The following SNX4 variants were observed in gnomAD, a reference collection of about 807,000 sequenced individuals.
SNX4 encodes sorting nexin-4.
A neutral mutation model predicts 70.8 loss-of-function variants in SNX4; 49 were observed. That is an observed-to-expected ratio of 0.69 (90% CI 0.55 to 0.88). SNX4 has a LOEUF of 0.88. SNX4 is among the 40% of genes least tolerant of loss of function. The probability of loss-of-function intolerance (pLI) is 0.00; values close to 1 mark genes in which losing one functional copy is unlikely to be tolerated. For missense variants in SNX4, 528 were observed against 544.8 expected, an observed-to-expected ratio of 0.97 and a Z score of 0.31; for synonymous variants, 206 against 183.8, an observed-to-expected ratio of 1.12 and a Z score of -0.98.
At chr3:125,496,915 T>C (rs1344068678) in intron 5 of SNX4, among the ~76,000 whole-genome samples, 1 of 152,056 alleles carries the variant, frequency 6.6e-6, no homozygotes, top group East Asian at 1.9e-4. Flanking sequence ...TTTAGACTGC[T>C]AAGGTTGGAC....
At chr3:125,486,631 AAG>A (rs1393473669) in intron 6 of SNX4, among the ~76,000 whole-genome samples, 1 of 152,182 alleles carries the variant, frequency 6.6e-6, no homozygotes, top group Non-Finnish European at 1.5e-5. Flanking sequence ...GTCTCAAAAA[AAG>A]AGAGTACGTT....
intron 5 of SNX4, among the ~76,000 whole-genome samples, chr3:125,490,616 C>T (rs531911790): frequency 5.2e-4 from 79 of 151,250 alleles, no homozygotes; most frequent in South Asian, 1.3e-3. Flanking sequence ...TTCTAGCTAG[C>T]AGAAAATGTT....
intron 10 of SNX4, among the ~76,000 whole-genome samples, chr3:125,458,960 G>A (rs1397302718): frequency 6.6e-6 from 1 of 151,712 alleles, no homozygotes; most frequent in Non-Finnish European, 1.5e-5. Flanking sequence ...GATCACCTGA[G>A]GTCAGGAGTT....
chr3:125,510,990 C>G (rs148805082), intron 1 of SNX4, among the ~76,000 whole-genome samples: 1 of 152,246 alleles, frequency 6.6e-6, no homozygotes, highest in Admixed American at 6.5e-5. Flanking sequence ...ACGATCTCGG[C>G]TGACCGCAAC....
At chr3:125,451,783 C>T (rs945217924) in intron 12 of SNX4, among the ~76,000 whole-genome samples, 2 of 151,986 alleles carry the variant, frequency 1.3e-5, no homozygotes, top group African/African-American at 2.4e-5. Flanking sequence ...CACGCCACTA[C>T]GCCCAACTAA....
At chr3:125,510,982 G>A (rs1935159487) in intron 1 of SNX4, among the ~76,000 whole-genome samples, 2 of 152,200 alleles carry the variant, frequency 1.3e-5, no homozygotes, top group South Asian at 4.1e-4. Context: ...GCAATGGCAC[G>A]ATCTCGGCTG....
At chr3:125,478,559 T>G (rs1352876409) in intron 7 of SNX4, among the ~76,000 whole-genome samples, 1 of 152,096 alleles carries the variant, frequency 6.6e-6, no homozygotes, top group Non-Finnish European at 1.5e-5. Context: ...AGATACGGTT[T>G]GCAGTAGGGA....
chr3:125,503,109 G>C (rs1180859930), intron 2 of SNX4, among the ~76,000 whole-genome samples: 1 of 151,980 alleles, frequency 6.6e-6, no homozygotes. Flanking sequence ...GTTTCGCCAT[G>C]TTGGCCAGGG....
intron 2 of SNX4, among the ~76,000 whole-genome samples, chr3:125,503,255 CTATT>C (rs960857201): frequency 1.3e-5 from 2 of 152,160 alleles, no homozygotes; most frequent in Admixed American, 1.3e-4. Context: ...TCTCTCATAT[CTATT>C]TGTTTTAATT....
chr3:125,473,825 C>T (rs554267975), intron 8 of SNX4, among the ~76,000 whole-genome samples: 24 of 152,298 alleles, frequency 1.6e-4, no homozygotes, highest in Admixed American at 1.1e-3. Context: ...GATCCCTGAA[C>T]GCAGATATTC....
intron 1 of SNX4, among the ~76,000 whole-genome samples, chr3:125,508,343 G>A (rs982568281): frequency 1.3e-5 from 2 of 152,134 alleles, no homozygotes; most frequent in Non-Finnish European, 2.9e-5. Context: ...TGGGGCGGGC[G>A]GATCACGAGG....
At chr3:125,488,003 A>G (rs959048597) in intron 6 of SNX4, among the ~76,000 whole-genome samples, 5 of 152,008 alleles carry the variant, frequency 3.3e-5, no homozygotes, top group African/African-American at 1.2e-4. Flanking sequence ...AGGTTCATCA[A>G]CTGTAACAAA....
chr3:125,494,876 C>T (rs529640589), intron 5 of SNX4, among the ~76,000 whole-genome samples: 47 of 152,272 alleles, frequency 3.1e-4, no homozygotes, highest in South Asian at 2.1e-3. Flanking sequence ...TTTTGCCTCA[C>T]GCCAAATGTA....
At chr3:125,501,259 A>T (rs1202189834) in intron 2 of SNX4, among the ~76,000 whole-genome samples, 1 of 152,208 alleles carries the variant, frequency 6.6e-6, no homozygotes, top group East Asian at 1.9e-4. Context: ...TAAATCATAA[A>T]GAGAAAAGAC....
At chr3:125,456,421 G>T (rs1267282094) in intron 11 of SNX4, among the ~76,000 whole-genome samples, 2 of 152,118 alleles carry the variant, frequency 1.3e-5, no homozygotes, top group Non-Finnish European at 2.9e-5. Context: ...AGCACTTTGG[G>T]AGGCGGAGGT....
rs932446144 is a variant in SNX4, at chr3:125,497,336, C to T, written c.597+5G>A. 1.9e-6 allele frequency: 3 copies of T among 1,598,974 alleles called. No individual in the cohort carries two copies. The highest frequency in any genetic ancestry group is 2.7e-5 in the African/African-American group (2 of 74,562). ...ACATGGCAAATTTCATATAAATATT[C>T]TTACCTTCAGCTGAAACCCAGTTTC... On this transcript the variant is annotated splice_donor_5th_base_variant and intron_variant, in intron 5 of 13. Coordinates refer to ENST00000251775, the MANE Select transcript of SNX4 (RefSeq NM_003794.4).
At chr3:125,495,574 C>T (rs1210208546) in intron 5 of SNX4, among the ~76,000 whole-genome samples, 1 of 150,156 alleles carries the variant, frequency 6.7e-6, no homozygotes, top group African/African-American at 2.5e-5. Context: ...ATAAGGCTCC[C>T]CCACAATGAA....
intron 1 of SNX4, among the ~76,000 whole-genome samples, chr3:125,509,109 GAT>G (rs1935110253): frequency 6.6e-6 from 1 of 151,914 alleles, no homozygotes; most frequent in Non-Finnish European, 1.5e-5. Flanking sequence ...GAGGCAGGAG[GAT>G]TACTTGAGGT....
chr3:125,515,052 TCA>T (rs1354606104), intron 1 of SNX4, among the ~76,000 whole-genome samples: 1 of 152,158 alleles, frequency 6.6e-6, no homozygotes, highest in Non-Finnish European at 1.5e-5. Flanking sequence ...GAAACAACAA[TCA>T]CATATTAAAG....
Sources: allele counts gnomAD v4.1 joint callset (sites outside exome capture counted in the v4.1 genomes callset), GRCh38; gene constraint gnomAD v4.1.1; transcripts MANE v1.5; gene names NCBI Gene and HGNC (gene_info 2026-07-23, HGNC 2026-07-21).